The following RAD51D variants were observed in gnomAD, a reference collection of about 807,000 sequenced individuals.
RAD51D encodes RAD51 paralog D.
A neutral mutation model predicts 44.1 loss-of-function variants in RAD51D; 38 were observed. That is an observed-to-expected ratio of 0.86 (90% CI 0.67 to 1.13). The LOEUF (loss-of-function observed/expected upper bound fraction) is 1.13. Among genes scored for constraint, RAD51D ranks in the 50% most tolerant of loss-of-function variants. The probability of loss-of-function intolerance (pLI) is 0.00; values close to 1 mark genes in which losing one functional copy is unlikely to be tolerated. For synonymous variants in RAD51D, 141 were observed against 166.6 expected, an observed-to-expected ratio of 0.85 and a Z score of 1.18; for missense variants, 390 against 414.0, an observed-to-expected ratio of 0.94 and a Z score of 0.50.
chr17:35,105,959 C>T (rs924896375), intron 6 of RAD51D, among the ~76,000 whole-genome samples: 5 of 152,186 alleles, frequency 3.3e-5, no homozygotes, highest in African/African-American at 4.8e-5. Context: ...TTGGCAGCCT[C>T]TTTGCAACCA....
In RAD51D at chr17:35,119,572, C is replaced by T. The variant is rs2142480559; in HGVS notation, c.42G>A (p.Glu14=). Residue 14 remains glutamate (E), a synonymous_variant, in exon 1 of 10, where the codon GAG becomes GAA. Transcript: ENST00000345365. ...GGCTCCTGAGAAGCTGGATCATCTC[C>T]TCGGTAAGGCCAGGGCACAGTCCGA... The part of the protein sequence containing the change: ...LRVGLCPGLT[E]EMIQLLRSHR... 1 of 1,612,788 alleles carries T rather than the reference C, an allele frequency of 6.2e-7. No individual in the cohort carries two copies. Among genetic ancestry groups the T allele is most frequent in the Non-Finnish European group, 8.5e-7 (1 of 1,179,948 alleles).
rs1368513650 is a variant in RAD51D at position 35,092,688 on chromosome 17, A to T, written c.*8265T>A. On this transcript the variant is annotated 3_prime_UTR_variant, in exon 10 of 10. Transcript: ENST00000345365. ...CCCTACCAACCTCTCTGGATCTAAT[A>T]GCTTCTGTAAAATATAAAGTGTTTT... The T allele has an allele frequency of 1.3e-5, 2 of 152,204 alleles. No homozygotes were observed. Among genetic ancestry groups the T allele is most frequent in the African/African-American group, 4.8e-5 (2 of 41,450 alleles). The allele number at this position is 152,204 out of a possible 1,614,324, so 9.4% of individuals were successfully genotyped here.
In RAD51D at chr17:35,100,993, G is replaced by GT. The variant is rs1423695400; in HGVS notation, c.946dup (p.Thr316AsnfsTer11). 1 of 1,613,744 alleles carries GT rather than the reference G, an allele frequency of 6.2e-7. No homozygotes were observed. The highest frequency in any genetic ancestry group is 1.7e-5 in the Admixed American group (1 of 60,010). On this transcript the variant is annotated frameshift_variant, in exon 10 of 10. Transcript: ENST00000345365. LOFTEE classifies it high-confidence loss of function. ...CTGTAATGTGGCACTCTGCTCTGAG[G>GT]TCCCCCAGGTCCCAATGTCTACCAT... is the stretch of plus-strand genomic sequence containing the variant.
rs2091787642 is a variant in RAD51D at position 35,119,113 on chromosome 17, T to G, written c.142A>C (p.Lys48Gln). 1 of 1,613,282 alleles carries G rather than the reference T, an allele frequency of 6.2e-7. No homozygotes were observed. The highest frequency in any genetic ancestry group is 8.5e-7 in the Non-Finnish European group (1 of 1,179,214). ...GAATGTGGAGATCAGGAGCTCACCT[T>G]GTAAGACAAGCCACATTTCTGAGCT... is the stretch of plus-strand genomic sequence containing the variant. ...EVAQKCGLSYKALVALRRVLL... is the reference protein window; with the variant it reads ...EVAQKCGLSYQALVALRRVLL... Residue 48 changes from lysine (K) to glutamine (Q), a missense_variant and splice_region_variant, in exon 2 of 10, where the codon AAG becomes CAG. By Grantham distance (53) the Lys-to-Gln change is moderately conservative. Transcript: ENST00000345365.
At chr17:35,115,431 C>A (rs904176872) in intron 3 of RAD51D, 4 of 405,882 alleles carry the variant, frequency 9.9e-6, no homozygotes, top group African/African-American at 8.2e-5. Flanking sequence ...ATCATTGCAC[C>A]TCAGCACTAA....
At chr17:35,110,962 G>C (rs1430095048) in intron 3 of RAD51D, among the ~76,000 whole-genome samples, 1 of 151,904 alleles carries the variant, frequency 6.6e-6, no homozygotes, top group African/African-American at 2.4e-5. Context: ...AAGATTAGCT[G>C]GGCATGGTGG....
intron 3 of RAD51D, among the ~76,000 whole-genome samples, chr17:35,110,233 C>T (rs917066037): frequency 2.6e-5 from 4 of 152,148 alleles, no homozygotes; most frequent in African/African-American, 9.7e-5. Flanking sequence ...CTCAGCCTCT[C>T]AAAGTGCTGG....
chr17:35,115,931 G>GA (rs1555569857), intron 3 of RAD51D, among the ~76,000 whole-genome samples: 1 of 61,490 alleles, frequency 1.6e-5, no homozygotes, highest in Non-Finnish European at 3.6e-5. Context: ...AAGGAAGGAA[G>GA]GAAGGAAGAA....
rs750729302 is a variant in RAD51D, at chr17:35,119,679, C to T, written c.-66G>A. 4 of 1,511,884 alleles carry T rather than the reference C, an allele frequency of 2.6e-6. No individual in the cohort carries two copies. The highest frequency in any genetic ancestry group is 3.6e-6 in the Non-Finnish European group (4 of 1,099,274). 93.7% of individuals were successfully genotyped at this position (1,511,884 alleles called of 1,614,324 possible). On this transcript the variant is annotated 5_prime_UTR_variant, in exon 1 of 10. Coordinates refer to ENST00000345365, the MANE Select transcript of RAD51D (RefSeq NM_002878.4). ...CACGTGGGCATTCGCGGGGGGTCCT[C>T]TCCAGACGCCCCTCCCCTACCCCTT...
At chr17:35,106,533 G>C (rs777456286) in intron 5 of RAD51D, 52 bp from the exon 6 acceptor site, 2 of 1,403,102 alleles carry the variant, frequency 1.4e-6, no homozygotes, top group East Asian at 2.3e-5. Context: ...GGAGTAGGGG[G>C]GTCAAGGTAA....
rs1419845544 is a variant in RAD51D, at chr17:35,100,423, A to G, written c.*530T>C. 1.9e-6 allele frequency: 1 copy of G among 534,620 alleles called. No individual in the cohort carries two copies. The highest frequency in any genetic ancestry group is 2.2e-5 in the Admixed American group (1 of 45,046). The allele number at this position is 534,620 out of a possible 1,614,324, so 33.1% of individuals were successfully genotyped here. A position where few individuals can be genotyped will look rare whatever the true frequency, so the allele number is the denominator to read the frequency against. On this transcript the variant is annotated 3_prime_UTR_variant, in exon 10 of 10. Coordinates refer to ENST00000345365, the MANE Select transcript of RAD51D (RefSeq NM_002878.4). ...TTATATTTTTAAGAGCAAAACAGAG[A>G]TGAAGAAGAGTATTTCATTTATAAG...
intron 3 of RAD51D, among the ~76,000 whole-genome samples, chr17:35,114,337 C>G (rs1320607772): frequency 6.6e-6 from 1 of 151,768 alleles, no homozygotes; most frequent in Admixed American, 6.6e-5. Context: ...ATGCCTATGT[C>G]AGCAGTACCC....
rs893044735 is a variant in RAD51D, at chr17:35,093,289, T to C, written c.*7664A>G. 2.0e-5 allele frequency: 3 copies of C among 152,236 alleles called. No homozygotes were observed. Among genetic ancestry groups the C allele is most frequent in the Admixed American group, 6.5e-5 (1 of 15,274 alleles). The allele number at this position is 152,236 out of a possible 1,614,324, so 9.4% of individuals were successfully genotyped here. A position where few individuals can be genotyped will look rare whatever the true frequency, so the allele number is the denominator to read the frequency against. ...TAAAGAGACTGTTATTCATCCATTGTTATATGGCAAGTAAATGTCAAAGCT... is the reference window on the plus strand; with the variant it reads ...TAAAGAGACTGTTATTCATCCATTGCTATATGGCAAGTAAATGTCAAAGCT... On this transcript the variant is annotated 3_prime_UTR_variant, in exon 10 of 10. Coordinates refer to ENST00000345365, the MANE Select transcript of RAD51D (RefSeq NM_002878.4).
intron 8 of RAD51D, among the ~76,000 whole-genome samples, chr17:35,102,705 A>G (rs2091554603): frequency 6.6e-6 from 1 of 152,204 alleles, no homozygotes; most frequent in African/African-American, 2.4e-5. Context: ...GTATGGAGAT[A>G]TGTAAAAATA....
chr17:35,118,654 TGCCC>T (rs754905231), intron 2 of RAD51D, 35 bp from the exon 3 acceptor site: 3 of 1,542,832 alleles, frequency 1.9e-6, no homozygotes, highest in Non-Finnish European at 2.7e-6. Context: ...AGCAACAAAT[TGCCC>T]GTAGAAGCTG....
intron 3 of RAD51D, 121 bp from the exon 4 acceptor site, chr17:35,107,568 C>A: frequency 2.4e-6 from 2 of 818,594 alleles, no homozygotes; most frequent in South Asian, 1.4e-5. Context: ...ACATCACTGG[C>A]CAGGAGGCTT....
chr17:35,107,298 A>C, intron 4 of RAD51D, 68 bp downstream of exon 4: 1 of 1,482,174 alleles, frequency 6.7e-7, no homozygotes, highest in South Asian at 1.1e-5. Flanking sequence ...AAGCTCCCCC[A>C]GGGACCCTGG....
At chr17:35,115,728 G>A (rs1464411835) in intron 3 of RAD51D, among the ~76,000 whole-genome samples, 1 of 151,902 alleles carries the variant, frequency 6.6e-6, no homozygotes, top group African/African-American at 2.4e-5. Context: ...AATTAGCTGG[G>A]CGTTGATGGC....
chr17:35,119,222 C>T lies in RAD51D; in HGVS notation c.83-50G>A, dbSNP rs952318514. On this transcript the variant is annotated intron_variant, in intron 1 of 9. Coordinates refer to ENST00000345365, the MANE Select transcript of RAD51D (RefSeq NM_002878.4). ...ATTGGCAGAGAGGACTGGGGCCTCC[C>T]ACACTTGGTTTTTCCTCATCTGTCA... 4 of 1,536,608 alleles carry T rather than the reference C, an allele frequency of 2.6e-6. No individual in the cohort carries two copies. The African/African-American group carries it at 5.5e-5, about 21-fold the overall frequency.
Sources: gnomAD v4.1 joint callset for allele counts (sites outside exome capture counted in the v4.1 genomes callset) on GRCh38, gnomAD v4.1.1 for gene constraint, MANE v1.5 for transcripts, NCBI Gene and HGNC (gene_info 2026-07-23, HGNC 2026-07-21) for gene names.